The following SNX25 variants were observed in gnomAD, a reference collection of about 807,000 sequenced individuals.
SNX25 encodes sorting nexin-25.
SNX25 carries 62 observed loss-of-function variants against 113.7 expected under a neutral mutation model. The ratio of observed to expected loss-of-function variants is 0.55; its 90% CI spans 0.44 to 0.67. The LOEUF (loss-of-function observed/expected upper bound fraction) is 0.67. Among genes scored for constraint, SNX25 ranks in the 30% least tolerant of loss-of-function variants. SNX25 has a pLI of 0.00. For missense variants in SNX25, 1,014 were observed against 1,161.0 expected (o/e 0.87, Z 1.84); for synonymous variants, 421 against 436.2 (o/e 0.97, Z 0.43).
intron 9 of SNX25, 37 bp from the exon 10 acceptor site, chr4:185,332,558 C>A: frequency 6.6e-7 from 1 of 1,522,374 alleles, no homozygotes; most frequent in South Asian, 1.3e-5. Context: ...AATTTTCTAT[C>A]ATTATAAGAT....
intron 9 of SNX25, among the ~76,000 whole-genome samples, chr4:185,324,210 G>A (rs1313734254): frequency 6.6e-6 from 1 of 152,208 alleles, no homozygotes; most frequent in Admixed American, 6.5e-5. Flanking sequence ...CTGGAAGAGA[G>A]AAGGGATGGG....
Position 185,232,334 on chromosome 4 carries a change from C to T in SNX25, c.430-14960C>T, listed in dbSNP as rs765012962. 5.3e-5 allele frequency among the ~76,000 whole-genome samples: 8 copies of T among 152,106 alleles called. No homozygotes were observed. The highest frequency in any genetic ancestry group is 1.9e-4 in the African/African-American group (8 of 41,414). On this transcript the variant is annotated intron_variant, in intron 1 of 18. Transcript: ENST00000652585. This position sits in a 1 kb window ranked among gnomAD's most constrained non-coding sequence, Gnocchi z 4.4. ...CCGGACATCGCCTAAGTTTTATTAT[C>T]CCCCTTATAAGGTTATACCCCATCC... is the stretch of plus-strand genomic sequence containing the variant.
chr4:185,258,988 G>A lies in SNX25; in HGVS notation c.655G>A (p.Val219Met), dbSNP rs1458839998. Residue 219 changes from valine to methionine, a missense_variant, in exon 3 of 19, where the codon GTG becomes ATG. Transcript: ENST00000652585. ...GCACCACAGACTGAGTCACGTGGATGTGGTTAAAGTTGTCTGCAATGATGT... is the reference window on the plus strand; with the variant it reads ...GCACCACAGACTGAGTCACGTGGATATGGTTAAAGTTGTCTGCAATGATGT... ...QLHHRLSHVD[V>M]VKVVCNDVVR... The A allele has an allele frequency of 6.2e-7, 1 of 1,614,096 alleles. No homozygotes were observed. Among genetic ancestry groups the A allele is most frequent in the Admixed American group, 1.7e-5 (1 of 60,004 alleles).
chr4:185,314,872 A>G (rs1278646660), intron 7 of SNX25, among the ~76,000 whole-genome samples: 1 of 150,388 alleles, frequency 6.6e-6, no homozygotes, highest in African/African-American at 2.4e-5. Context: ...AAAAAAAAAA[A>G]AAGACAAAAA....
chr4:185,247,325 C>T lies in SNX25; in HGVS notation c.461C>T (p.Ala154Val), dbSNP rs1474647693. Reference protein sequence around the residue: ...SPVYGNSHESAQSRRVVISHN... With the variant: ...SPVYGNSHESVQSRRVVISHN... The stretch of plus-strand genomic sequence containing the variant: ...GTGTATGGAAACTCACATGAGTCAG[C>T]TCAGTCTAGAAGGGTAGTAATTTCT... The change falls in exon 2 of 19, where the codon GCT (alanine) becomes GTT (valine). Residue 154 changes from alanine to valine, a missense_variant. Coordinates refer to ENST00000652585, the MANE Select transcript of SNX25 (RefSeq NM_001378034.2). 6.2e-7 allele frequency: 1 copy of T among 1,609,414 alleles called. No individual in the cohort carries two copies. Among genetic ancestry groups the T allele is most frequent in the Non-Finnish European group, 8.5e-7 (1 of 1,177,856 alleles).
At chr4:185,346,688 T>C in intron 13 of SNX25, 38 bp downstream of exon 13, 1 of 1,341,244 alleles carries the variant, frequency 7.5e-7, no homozygotes, top group Non-Finnish European at 1.0e-6. Context: ...AGAGAAAAAA[T>C]TAGTTATTTA....
intron 2 of SNX25, among the ~76,000 whole-genome samples, chr4:185,256,404 C>T (rs896311836): frequency 1.3e-5 from 2 of 151,858 alleles, no homozygotes; most frequent in Middle Eastern, 3.2e-3. Context: ...AGCTGAATTG[C>T]AAAAATACTG....
chr4:185,311,288 G>T (rs2095028060), intron 7 of SNX25, among the ~76,000 whole-genome samples: 1 of 152,132 alleles, frequency 6.6e-6, no homozygotes, highest in Non-Finnish European at 1.5e-5. Flanking sequence ...ACATAGATAG[G>T]AAAAGCTAGA....
chr4:185,208,399 G>C (rs1737291511), upstream of SNX25, among the ~76,000 whole-genome samples: 1 of 152,130 alleles, frequency 6.6e-6, no homozygotes, highest in African/African-American at 2.4e-5. Flanking sequence ...CATCTAGCAT[G>C]AGGCACTCTT....
intron 8 of SNX25, among the ~76,000 whole-genome samples, chr4:185,323,054 C>G (rs2095132279): frequency 6.6e-6 from 1 of 152,166 alleles, no homozygotes; most frequent in African/African-American, 2.4e-5. Flanking sequence ...ATAAGCTTGA[C>G]TAGGACATAA....
intron 1 of SNX25, among the ~76,000 whole-genome samples, chr4:185,213,576 T>C (rs1738282863): frequency 6.6e-6 from 1 of 152,150 alleles, no homozygotes. Flanking sequence ...CCAGCTTTGT[T>C]GTGTGGGTTG....
intron 2 of SNX25, among the ~76,000 whole-genome samples, chr4:185,252,056 G>A (rs1370589076): frequency 1.3e-5 from 2 of 151,700 alleles, no homozygotes; most frequent in Non-Finnish European, 2.9e-5. Flanking sequence ...AGCTGCTGAA[G>A]TTCAGCATTA....
At chr4:185,250,054 A>G (rs1745426117) in intron 2 of SNX25, among the ~76,000 whole-genome samples, 1 of 152,138 alleles carries the variant, frequency 6.6e-6, no homozygotes, top group Non-Finnish European at 1.5e-5. Flanking sequence ...CTTTTTAGAC[A>G]TTCTAGATTC....
chr4:185,362,710 A>T lies in SNX25; in HGVS notation c.2933A>T (p.Tyr978Phe). ...ACAAGAGCCAACAAGCATCTGTTAT[A>T]TGTGAGTAAATTAAAGCCCAGGGGG... ...QETRANKHLL[Y>F]ALMELLLIEL... Residue 978 changes from tyrosine to phenylalanine, a missense_variant and splice_region_variant, in exon 18 of 19, where the codon TAT (tyrosine) becomes TTT (phenylalanine). Coordinates refer to ENST00000652585, the MANE Select transcript of SNX25 (RefSeq NM_001378034.2). 6.2e-7 allele frequency: 1 copy of T among 1,611,406 alleles called. No homozygotes were observed. The highest frequency in any genetic ancestry group is 8.5e-7 in the Non-Finnish European group (1 of 1,178,364).
intron 13 of SNX25, 61 bp downstream of exon 13, chr4:185,346,711 C>A: frequency 9.5e-7 from 1 of 1,053,722 alleles, no homozygotes; most frequent in Non-Finnish European, 1.4e-6. Flanking sequence ...GTTAAACTGT[C>A]ATCATTCTAC....
intron 7 of SNX25, 25 bp downstream of exon 7, chr4:185,310,841 T>C: frequency 6.4e-7 from 1 of 1,570,644 alleles, no homozygotes; most frequent in Non-Finnish European, 8.6e-7. Context: ...TTTCTTGTTT[T>C]GACCCTACCA....
chr4:185,244,537 T>C (rs1033539803), intron 1 of SNX25, among the ~76,000 whole-genome samples: 4 of 152,162 alleles, frequency 2.6e-5, no homozygotes, highest in Non-Finnish European at 5.9e-5. Flanking sequence ...TTCTGTGAAC[T>C]AAATGAAAAA....
intron 7 of SNX25, among the ~76,000 whole-genome samples, chr4:185,319,284 G>A (rs534170260): frequency 2.1e-4 from 30 of 142,412 alleles, no homozygotes; most frequent in African/African-American, 7.6e-4. Flanking sequence ...AACAACCTCT[G>A]CCTCCTGGGT....
intron 8 of SNX25, among the ~76,000 whole-genome samples, chr4:185,322,859 A>T (rs2095130927): frequency 6.6e-6 from 1 of 152,238 alleles, no homozygotes; most frequent in Non-Finnish European, 1.5e-5. Flanking sequence ...ATGTTAAATT[A>T]GTTATGTTCA....
Sources: allele counts gnomAD v4.1 joint callset (sites outside exome capture counted in the v4.1 genomes callset), GRCh38; gene constraint gnomAD v4.1.1; non-coding constraint Gnocchi (gnomAD v3.1); transcripts MANE v1.5; gene names NCBI Gene and HGNC (gene_info 2026-07-23, HGNC 2026-07-21).